MROH7: variants seen among roughly 807,000 people sequenced by gnomAD.
MROH7 encodes maestro heat-like repeat-containing protein family member 7.
Under a neutral mutation model 129.2 loss-of-function variants are expected in MROH7, and 113 were observed. The observed-to-expected ratio is 0.87, with a 90% confidence interval of 0.75 to 1.02. The LOEUF is 1.02. MROH7 is among the 50% of genes least tolerant of loss of function. The pLI, the probability that MROH7 is intolerant of heterozygous loss-of-function variation, is 0.00. For missense variants in MROH7, 1,601 were observed against 1,671.3 expected (o/e 0.96, Z 0.73); for synonymous variants, 655 against 667.9 (o/e 0.98, Z 0.30).
intron 8 of MROH7, 74 bp downstream of exon 8, chr1:54,673,260 TGGAGGCCAGACCTA>T: frequency 8.7e-7 from 1 of 1,147,720 alleles, no homozygotes; most frequent in South Asian, 1.4e-5. Flanking sequence ...GCAGGAGCAG[TGGAGGCCAGACCTA>T]GGAGTGATTT....
rs746070035 is a variant in MROH7 at position 54,654,108 on chromosome 1, C to T, written c.1182C>T (p.Ile394=). 5 of 1,613,882 alleles carry T rather than the reference C, an allele frequency of 3.1e-6. No homozygotes were observed. Among genetic ancestry groups the T allele is most frequent in the African/African-American group, 1.3e-5 (1 of 75,062 alleles). ...GCCAGTTCCCGCTGGGATTCCCCAT[C>T]TCCAACCCCGCAGGCAAGGACGCCG... is the stretch of plus-strand genomic sequence containing the variant. ...KVGQFPLGFP[I]SNPAGKDAVT... The change falls in exon 3 of 24, where the codon ATC becomes ATT. Residue 394 remains isoleucine, a synonymous_variant. Transcript: ENST00000421030.
At chr1:54,691,924 T>C (rs1645247259) in intron 15 of MROH7, among the ~76,000 whole-genome samples, 1 of 120,278 alleles carries the variant, frequency 8.3e-6, no homozygotes, top group Admixed American at 1.1e-4. Flanking sequence ...GTGCCAGGCA[T>C]ACAGTAGGAT....
chr1:54,702,638 CT>C lies in MROH7; in HGVS notation c.3458del (p.Leu1153ArgfsTer37). 1 of 1,612,984 alleles carries C rather than the reference CT, an allele frequency of 6.2e-7. No homozygotes were observed. Among genetic ancestry groups the C allele is most frequent in the East Asian group, 2.2e-5 (1 of 44,860 alleles). On this transcript the variant is annotated frameshift_variant, in exon 21 of 24. Coordinates refer to ENST00000421030, the MANE Select transcript of MROH7 (RefSeq NM_001039464.4). LOFTEE classifies it high-confidence loss of function. ...TGGTTCCCAGAAGTGTGTGAAGACC[CT>C]GTTACGCTGTTCTTACTTCATGGCT... ...SKVSQKCVKT[L>X]LRCSYFMAWE...
chr1:54,676,771 C>T (rs1466004972), intron 10 of MROH7, among the ~76,000 whole-genome samples: 1 of 150,402 alleles, frequency 6.6e-6, no homozygotes, highest in African/African-American at 2.5e-5. Flanking sequence ...TGCAGTGGTG[C>T]GATCTCAGCT....
chr1:54,682,740 C>G lies in MROH7; in HGVS notation c.2466C>G (p.Ser822Arg), dbSNP rs761312398. ...VRDLLDLLLGSLKEKPVTKEG... is the reference protein window; with the variant it reads ...VRDLLDLLLGRLKEKPVTKEG... Reference sequence around the variant, plus strand: ...ACCTCCTGGATCTGCTCCTGGGCAGCCTGAAGGAGAAGCCCGTCACCAAGG... The same window carrying G: ...ACCTCCTGGATCTGCTCCTGGGCAGGCTGAAGGAGAAGCCCGTCACCAAGG... The change falls in exon 14 of 24, where the codon AGC becomes AGG. Residue 822 changes from serine (S) to arginine (R), a missense_variant. By Grantham distance (110) the Ser-to-Arg change is moderately radical. Coordinates refer to ENST00000421030, the MANE Select transcript of MROH7 (RefSeq NM_001039464.4). 1 of 1,614,088 alleles carries G rather than the reference C, an allele frequency of 6.2e-7. No homozygotes were observed. Among genetic ancestry groups the G allele is most frequent in the Admixed American group, 1.7e-5 (1 of 60,014 alleles).
intron 13 of MROH7, 72 bp downstream of exon 13, chr1:54,680,117 C>T (rs1645046057): frequency 1.4e-6 from 2 of 1,447,074 alleles, no homozygotes; most frequent in African/African-American, 1.4e-5. Flanking sequence ...GGTTGGGGAC[C>T]CCCTTCTGCC....
intron 4 of MROH7, among the ~76,000 whole-genome samples, chr1:54,666,060 G>C (rs559636064): frequency 6.6e-6 from 1 of 152,228 alleles, no homozygotes; most frequent in Non-Finnish European, 1.5e-5. Context: ...GCCTTTGCAC[G>C]TGTTTCTTCT....
intron 22 of MROH7, among the ~76,000 whole-genome samples, chr1:54,707,285 G>C (rs1645549527): frequency 6.6e-6 from 1 of 152,180 alleles, no homozygotes; most frequent in African/African-American, 2.4e-5. Context: ...AGGGCCAGGA[G>C]ACCTTGTTGC....
intron 3 of MROH7, among the ~76,000 whole-genome samples, chr1:54,663,190 T>C (rs945069246): frequency 1.3e-5 from 2 of 151,072 alleles, no homozygotes; most frequent in Non-Finnish European, 2.9e-5. Context: ...ACTTTCCATT[T>C]ATTTATTTAT....
At chr1:54,700,205 C>A in intron 17 of MROH7, 116 bp from the exon 18 acceptor site, 2 of 1,398,204 alleles carry the variant, frequency 1.4e-6, no homozygotes, top group Non-Finnish European at 1.0e-6. Flanking sequence ...TTTTGCAAGT[C>A]TGAAGCTCCG....
chr1:54,709,160 G>C, intron 23 of MROH7, 84 bp downstream of exon 23: 1 of 1,320,770 alleles, frequency 7.6e-7, no homozygotes, highest in Non-Finnish European at 1.1e-6. Flanking sequence ...GAAAGGGAAG[G>C]GATGTGTCCC....
Position 54,670,589 on chromosome 1 carries a change from CT to C in MROH7, c.1469+14del. 1 of 1,607,814 alleles carries C rather than the reference CT, an allele frequency of 6.2e-7. No individual in the cohort carries two copies. The highest frequency in any genetic ancestry group is 8.5e-7 in the Non-Finnish European group (1 of 1,176,798). ...TGACCCAGCTGAGGTGTCCATGGCC[CT>C]CTCCCTGTTCCCACAGCCCCTCTCC... On this transcript the variant is annotated intron_variant, in intron 6 of 23. Transcript: ENST00000421030.
chr1:54,706,374 G>T, intron 21 of MROH7, 61 bp from the exon 22 acceptor site: 1 of 1,233,584 alleles, frequency 8.1e-7, no homozygotes, highest in Non-Finnish European at 1.2e-6. Context: ...CTTCAAGAAG[G>T]GTGGATGGGC....
intron 3 of MROH7, chr1:54,663,712 AC>A (rs1644769395): frequency 1.7e-5 from 7 of 412,664 alleles, no homozygotes; most frequent in Admixed American, 3.3e-5. Context: ...CAAAAAAAAA[AC>A]AAGCTTTTGT....
chr1:54,700,458 G>T lies in MROH7; in HGVS notation c.3102G>T (p.Glu1034Asp). 2 of 1,588,212 alleles carry T rather than the reference G, an allele frequency of 1.3e-6. No homozygotes were observed. The highest frequency in any genetic ancestry group is 1.7e-6 in the Non-Finnish European group (2 of 1,165,494). ...TGGTCATCCTGGCCCGCAGGTCTGA[G>T]AAGGTGAGTGGGAGGCAGAGGAAAG... ...RGLVILARRS[E>D]KTAKVKALLP... Residue 1034 changes from glutamate to aspartate, a missense_variant, in exon 18 of 24, where the codon GAG becomes GAT. Physicochemically the swap from Glu to Asp is conservative, Grantham distance 45. Coordinates refer to ENST00000421030, the MANE Select transcript of MROH7 (RefSeq NM_001039464.4).
chr1:54,699,796 A>C, intron 17 of MROH7: 1 of 365,284 alleles, frequency 2.7e-6, no homozygotes, highest in Non-Finnish European at 4.9e-6. Flanking sequence ...GAGGAAGTCC[A>C]GGGCACCCAA....
chr1:54,702,100 T>A lies in MROH7; in HGVS notation c.3296T>A (p.Val1099Asp), dbSNP rs646356. The change falls in exon 20 of 24, where the codon GTC (valine) becomes GAC (aspartate). Residue 1099 changes from valine (V) to aspartate (D), a missense_variant. Val to Asp is a radical substitution (Grantham distance 152). Coordinates refer to ENST00000421030, the MANE Select transcript of MROH7 (RefSeq NM_001039464.4). ...TTTGGTCTTCCCCAGGCACGAGAGG[T>A]CGTGCGCTCCTCCTGCATCAACCTG... ...LLPHFSDAREVVRSSCINLYG... is the reference protein window; with the variant it reads ...LLPHFSDAREDVRSSCINLYG... The A allele has an allele frequency of 0.85, 1,363,890 of 1,598,278 alleles. 583,395 individuals carry two copies. Among genetic ancestry groups the A allele is most frequent in the African/African-American group, 0.97 (71,991 of 74,066 alleles).
chr1:54,691,134 T>A (rs1348375569), intron 15 of MROH7, among the ~76,000 whole-genome samples: 1 of 152,230 alleles, frequency 6.6e-6, no homozygotes, highest in Non-Finnish European at 1.5e-5. Flanking sequence ...ACTCTGAGCC[T>A]GCCTGTCTTT....
intron 1 of MROH7, among the ~76,000 whole-genome samples, chr1:54,646,908 G>C (rs1644475279): frequency 6.6e-6 from 1 of 152,172 alleles, no homozygotes. Context: ...GTGGTCTTTT[G>C]TGACCAGCTA....
Sources: allele counts gnomAD v4.1 joint callset (sites outside exome capture counted in the v4.1 genomes callset), GRCh38; gene constraint gnomAD v4.1.1; transcripts MANE v1.5; gene names NCBI Gene and HGNC (gene_info 2026-07-23, HGNC 2026-07-21).